Variants in DENR observed in about 807,000 individuals in gnomAD.
The protein encoded by DENR is density-regulated protein.
A neutral mutation model predicts 30.6 loss-of-function variants in DENR; 6 were observed. The ratio of observed to expected loss-of-function variants is 0.20; its 90% CI spans 0.11 to 0.39. The LOEUF (loss-of-function observed/expected upper bound fraction) is 0.39, where lower values mean the gene tolerates loss of function less well. Among genes scored for constraint, DENR ranks in the 10% least tolerant of loss-of-function variants. The pLI, the probability that DENR is intolerant of heterozygous loss-of-function variation, is 1.00. For missense variants in DENR, 141 were observed against 230.9 expected (o/e 0.61, Z 2.52); for synonymous variants, 78 against 72.1 (o/e 1.08, Z -0.41).
chr12:122,769,223 TATAC>T lies in DENR; in HGVS notation c.*148_*151del, dbSNP rs1878940232. 2.5e-6 allele frequency: 2 copies of T among 807,212 alleles called. No homozygotes were observed. The highest frequency in any genetic ancestry group is 4.3e-5 in the South Asian group (1 of 23,294). 50.0% of individuals were successfully genotyped at this position (807,212 alleles called of 1,614,324 possible). ...ATGTATACACATATACACATGTATA[TATAC>T]ATGTGTGTATGTATACATGTATATA... is the stretch of plus-strand genomic sequence containing the variant. On this transcript the variant is annotated 3_prime_UTR_variant, in exon 8 of 8. Transcript: ENST00000280557.
At chr12:122,767,648 C>T (rs943388789) in intron 6 of DENR, 44 bp downstream of exon 6, 21 of 1,114,376 alleles carry the variant, frequency 1.9e-5, no homozygotes, top group East Asian at 2.8e-5. Flanking sequence ...GAACTATTTT[C>T]TCTCTCTGTC....
At chr12:122,763,976 G>A (rs1037669926) in intron 4 of DENR, among the ~76,000 whole-genome samples, 11 of 152,182 alleles carry the variant, frequency 7.2e-5, no homozygotes, top group African/African-American at 2.4e-4. Flanking sequence ...TGCTGAAAAG[G>A]TGGCAGTTGA....
chr12:122,765,575 C>G (rs945396679), intron 5 of DENR, among the ~76,000 whole-genome samples, 188 bp downstream of exon 5: 2 of 152,244 alleles, frequency 1.3e-5, no homozygotes, highest in Middle Eastern at 3.4e-3. Flanking sequence ...AATGATCGTT[C>G]CTCCACATAG....
intron 2 of DENR, among the ~76,000 whole-genome samples, chr12:122,755,285 A>G (rs1878517715): frequency 6.6e-6 from 1 of 152,180 alleles, no homozygotes; most frequent in African/African-American, 2.4e-5. Flanking sequence ...GTAATTATGA[A>G]TTAAAACTAA....
chr12:122,754,519 ATTTCTCAGAACT>A (rs748014514), intron 2 of DENR, among the ~76,000 whole-genome samples: 12 of 152,194 alleles, frequency 7.9e-5, no homozygotes, highest in Non-Finnish European at 1.6e-4. Flanking sequence ...TTCAGTAAAT[ATTTCTCAGAACT>A]TACTGTGTGC....
chr12:122,756,065 G>A (rs1026670771), intron 2 of DENR, among the ~76,000 whole-genome samples: 5 of 152,154 alleles, frequency 3.3e-5, no homozygotes, highest in African/African-American at 1.2e-4. Flanking sequence ...TAAGGTCCTC[G>A]GCTAAGTTCT....
rs903000304 is a variant in DENR at position 122,768,772 on chromosome 12, A to T, written c.413-10A>T. 7.8e-6 allele frequency: 12 copies of T among 1,529,200 alleles called. No individual in the cohort carries two copies. Among genetic ancestry groups the T allele is most frequent in the Non-Finnish European group, 9.6e-6 (11 of 1,140,026 alleles). 94.7% of individuals were successfully genotyped at this position (1,529,200 alleles called of 1,614,324 possible). A position where few individuals can be genotyped will look rare whatever the true frequency, so the allele number is the denominator to read the frequency against. ...TACAGTTCTTGCTCTTTCTTTTTTTAAAAAAATAGAAATTGATCTTAAAGA... is the reference window on the plus strand; with the variant it reads ...TACAGTTCTTGCTCTTTCTTTTTTTTAAAAAATAGAAATTGATCTTAAAGA... On this transcript the variant is annotated splice_polypyrimidine_tract_variant and intron_variant, in intron 6 of 7. Transcript: ENST00000280557.
chr12:122,762,056 TG>T, intron 2 of DENR, 130 bp from the exon 3 acceptor site: 1 of 535,890 alleles, frequency 1.9e-6, no homozygotes, highest in Non-Finnish European at 3.2e-6. Context: ...ATTTGAAAAG[TG>T]GTATAGAAAA....
chr12:122,762,981 T>C (rs778535295), intron 4 of DENR, 52 bp downstream of exon 4: 2 of 969,000 alleles, frequency 2.1e-6, no homozygotes, highest in African/African-American at 1.7e-5. Context: ...GACAAATGCA[T>C]GTATGGCATT....
In DENR at chr12:122,762,929, G is replaced by A; in HGVS notation, c.211G>A (p.Glu71Lys). 2 of 1,521,486 alleles carry A rather than the reference G, an allele frequency of 1.3e-6. No homozygotes were observed. Among genetic ancestry groups the A allele is most frequent in the Non-Finnish European group, 1.8e-6 (2 of 1,127,244 alleles). The allele number at this position is 1,521,486 out of a possible 1,614,324, so 94.2% of individuals were successfully genotyped here. A position where few individuals can be genotyped will look rare whatever the true frequency, so the allele number is the denominator to read the frequency against. ...AAATGAATTTGCAAAACTTACTGTA[G>A]GTATGAACATTTTTTTTCTTGCATT... ...FPNEFAKLTV[E>K]NSPKQEAGIS... Residue 71 changes from glutamate (E) to lysine (K), a missense_variant and splice_region_variant, in exon 4 of 8, where the codon GAA becomes AAA. This residue lies in a region of DENR where 104 missense variants were observed against 138.3 expected (regional missense o/e 0.75). Coordinates refer to ENST00000280557, the MANE Select transcript of DENR (RefSeq NM_003677.5).
In DENR at chr12:122,770,660, G is replaced by C; in HGVS notation, c.*1582G>C. 1 of 398,548 alleles carries C rather than the reference G, an allele frequency of 2.5e-6. No homozygotes were observed. Among genetic ancestry groups the C allele is most frequent in the Non-Finnish European group, 4.4e-6 (1 of 226,038 alleles). The allele number at this position is 398,548 out of a possible 1,614,324, so 24.7% of individuals were successfully genotyped here. ...GTGCTGCAAATTGGAAAGAAGACTT[G>C]TGGTGTTTTAAGTTGCTGTGGACAC... On this transcript the variant is annotated 3_prime_UTR_variant, in exon 8 of 8. Transcript: ENST00000280557.
At chr12:122,763,491 T>G (rs1465048369) in intron 4 of DENR, among the ~76,000 whole-genome samples, 1 of 151,912 alleles carries the variant, frequency 6.6e-6, no homozygotes, top group Non-Finnish European at 1.5e-5. Context: ...GGATCACCTG[T>G]GGTCGGGAGT....
At position 122,762,072 on chromosome 12, in the gene DENR, T is replaced by C. The variant is rs148420884; in HGVS notation, c.107-115T>C. The C allele has an allele frequency of 1.5e-3, 986 of 674,642 alleles. 6 individuals are homozygous for C. Among genetic ancestry groups the C allele is most frequent in the East Asian group, 3.2e-4 (10 of 31,686 alleles). The allele number at this position is 674,642 out of a possible 1,614,324, so 41.8% of individuals were successfully genotyped here. A position where few individuals can be genotyped will look rare whatever the true frequency, so the allele number is the denominator to read the frequency against. ...TTTGAAAAGTGGTATAGAAAACTTA[T>C]AGGGAAAATGTAAAAATGAAGCATT... On this transcript the variant is annotated intron_variant, in intron 2 of 7. Coordinates refer to ENST00000280557, the MANE Select transcript of DENR (RefSeq NM_003677.5).
chr12:122,769,427 A>G lies in DENR; in HGVS notation c.*349A>G, dbSNP rs1878969728. ...TTATTGCCAAAGTCAAATAAACGGG[A>G]GACTGTCATGCTCATGCATGAATAG... On this transcript the variant is annotated 3_prime_UTR_variant, in exon 8 of 8. Transcript: ENST00000280557. 3.0e-6 allele frequency: 3 copies of G among 986,748 alleles called. No homozygotes were observed. Among genetic ancestry groups the G allele is most frequent in the African/African-American group, 1.8e-5 (1 of 56,948 alleles). 61.1% of individuals were successfully genotyped at this position (986,748 alleles called of 1,614,324 possible). A position where few individuals can be genotyped will look rare whatever the true frequency, so the allele number is the denominator to read the frequency against.
In DENR at chr12:122,771,038, C is replaced by G. The variant is rs1879024115; in HGVS notation, c.*1960C>G. 3.4e-6 allele frequency: 1 copy of G among 291,016 alleles called. No homozygotes were observed. Among genetic ancestry groups the G allele is most frequent in the Non-Finnish European group, 6.3e-6 (1 of 159,264 alleles). 18.0% of individuals were successfully genotyped at this position (291,016 alleles called of 1,614,324 possible). A position where few individuals can be genotyped will look rare whatever the true frequency, so the allele number is the denominator to read the frequency against. On this transcript the variant is annotated 3_prime_UTR_variant, in exon 8 of 8. Transcript: ENST00000280557. ...CAGTGGATGTTACTCCAGGAAAATG[C>G]AGGATTAAAATTGTCCTTGTGTATA...
At chr12:122,759,819 A>G (rs1878648272) in intron 2 of DENR, among the ~76,000 whole-genome samples, 1 of 152,134 alleles carries the variant, frequency 6.6e-6, no homozygotes, top group Non-Finnish European at 1.5e-5. Flanking sequence ...GTATAGTTAT[A>G]TCCTGAAAGT....
chr12:122,768,927 T>C lies in DENR; in HGVS notation c.552+6T>C. ...TTCAGGAAAAATGGCCAGAGGTGAG[T>C]GCATGGAACACATACATCGCTAGAG... On this transcript the variant is annotated splice_donor_region_variant and intron_variant, in intron 7 of 7. Transcript: ENST00000280557. 4 of 1,610,326 alleles carry C rather than the reference T, an allele frequency of 2.5e-6. No homozygotes were observed. The highest frequency in any genetic ancestry group is 3.4e-6 in the Non-Finnish European group (4 of 1,178,396).
chr12:122,761,740 G>A (rs534215109), intron 2 of DENR, among the ~76,000 whole-genome samples: 2 of 152,160 alleles, frequency 1.3e-5, no homozygotes, highest in South Asian at 4.2e-4. Context: ...TGAGCCCCTG[G>A]AGGGGTGGAG....
chr12:122,756,704 G>A (rs371224693), intron 2 of DENR, among the ~76,000 whole-genome samples: 1 of 152,284 alleles, frequency 6.6e-6, no homozygotes, highest in East Asian at 1.9e-4. Context: ...CAGTTTGGTT[G>A]TATTGTGGAA....
Sources: gnomAD v4.1 joint callset for allele counts (sites outside exome capture counted in the v4.1 genomes callset) on GRCh38, gnomAD v4.1.1 for gene constraint, gnomAD v4.1.1 regional missense constraint, MANE v1.5 for transcripts, NCBI Gene and HGNC (gene_info 2026-07-23, HGNC 2026-07-21) for gene names.